The following ZFC3H1 variants were observed in gnomAD, a reference collection of about 807,000 sequenced individuals.
ZFC3H1 encodes zinc finger C3H1 domain-containing protein.
Under a neutral mutation model 243.7 loss-of-function variants are expected in ZFC3H1, and 71 were observed. The ratio of observed to expected loss-of-function variants is 0.29; its 90% CI spans 0.24 to 0.36. ZFC3H1 has a LOEUF of 0.36. ZFC3H1 is among the 10% of genes least tolerant of loss of function. The probability of loss-of-function intolerance (pLI) is 1.00; values close to 1 mark genes in which losing one functional copy is unlikely to be tolerated. For synonymous variants in ZFC3H1, 838 were observed against 813.0 expected (o/e 1.03, Z -0.52); for missense variants, 1,966 against 2,317.1 (o/e 0.85, Z 3.11).
intron 5 of ZFC3H1, among the ~76,000 whole-genome samples, chr12:71,643,185 G>A (rs192282793): frequency 1.1e-4 from 17 of 151,766 alleles, no homozygotes; most frequent in South Asian, 2.1e-4. Context: ...GGCCTGGCGC[G>A]GTGGCTCATG....
chr12:71,634,683 A>G, intron 11 of ZFC3H1, 21 bp downstream of exon 11: 3 of 1,571,748 alleles, frequency 1.9e-6, no homozygotes, highest in Non-Finnish European at 2.6e-6. Flanking sequence ...TTTAATGTTA[A>G]TTACATAAAA....
At chr12:71,649,116 G>T (rs79505150) in intron 2 of ZFC3H1, among the ~76,000 whole-genome samples, 1 of 143,126 alleles carries the variant, frequency 7.0e-6, no homozygotes, top group East Asian at 2.0e-4. Context: ...AAAAAGAAAA[G>T]AAAAGAAAAG....
chr12:71,661,432 T>C (rs1269044588), intron 1 of ZFC3H1, among the ~76,000 whole-genome samples: 1 of 152,074 alleles, frequency 6.6e-6, no homozygotes, highest in Non-Finnish European at 1.5e-5. Context: ...TCTAACCTTC[T>C]TGGAAGAACC....
intron 13 of ZFC3H1, 86 bp downstream of exon 13, chr12:71,633,178 T>G: frequency 7.0e-7 from 1 of 1,433,768 alleles, no homozygotes; most frequent in South Asian, 1.5e-5. Flanking sequence ...TTTGCTGGCT[T>G]TAGTATACAG....
chr12:71,645,128 C>T, intron 3 of ZFC3H1, 53 bp from the exon 4 acceptor site: 2 of 1,459,290 alleles, frequency 1.4e-6, no homozygotes, highest in South Asian at 2.7e-5. Flanking sequence ...ATTTAGCTTA[C>T]ACATTTCATC....
intron 7 of ZFC3H1, 32 bp from the exon 8 acceptor site, chr12:71,637,091 C>T (rs1565817710): frequency 7.7e-6 from 12 of 1,558,788 alleles, no homozygotes; most frequent in Non-Finnish European, 9.6e-6. Flanking sequence ...AATTACAACG[C>T]AAATTTTATC....
chr12:71,652,996 C>T (rs1209227243), intron 2 of ZFC3H1, among the ~76,000 whole-genome samples: 1 of 148,560 alleles, frequency 6.7e-6, no homozygotes, highest in East Asian at 1.9e-4. Context: ...AACAAAATCA[C>T]TAAATGTTCA....
intron 2 of ZFC3H1, chr12:71,656,220 T>C (rs1881014462): frequency 4.7e-6 from 1 of 214,484 alleles, no homozygotes; most frequent in African/African-American, 2.3e-5. Flanking sequence ...TTACCCACTG[T>C]CTACATTTGT....
chr12:71,626,219 C>CAT (rs66482275), intron 22 of ZFC3H1, 41 bp downstream of exon 22: 16 of 1,589,300 alleles, frequency 1.0e-5, no homozygotes, highest in Non-Finnish European at 1.4e-5. Context: ...TACACACACA[C>CAT]ACACACACAC....
chr12:71,615,027 A>G, intron 28 of ZFC3H1, 89 bp from the exon 29 acceptor site: 1 of 1,242,880 alleles, frequency 8.0e-7, no homozygotes, highest in Non-Finnish European at 1.2e-6. Context: ...TACAGATGTT[A>G]TTACAATAGA....
At chr12:71,656,831 T>C (rs770332636) in intron 2 of ZFC3H1, 54 bp downstream of exon 2, 127 of 1,510,740 alleles carry the variant, frequency 8.4e-5, no homozygotes, top group Non-Finnish European at 1.7e-5. Context: ...AACAAGTAGT[T>C]ACTACTTTAG....
intron 1 of ZFC3H1, among the ~76,000 whole-genome samples, chr12:71,658,242 A>G (rs986076846): frequency 1.3e-5 from 2 of 151,970 alleles, no homozygotes; most frequent in Admixed American, 1.3e-4. Flanking sequence ...TAGCAAGAGA[A>G]AAGACAGTAC....
At chr12:71,658,420 C>T (rs1036465309) in intron 1 of ZFC3H1, among the ~76,000 whole-genome samples, 1 of 150,964 alleles carries the variant, frequency 6.6e-6, no homozygotes, top group Admixed American at 6.6e-5. Context: ...TCCTGAGTAG[C>T]TTGGATTACA....
At chr12:71,619,032 C>T (rs1441207968) in intron 27 of ZFC3H1, among the ~76,000 whole-genome samples, 4 of 152,034 alleles carry the variant, frequency 2.6e-5, no homozygotes, top group Admixed American at 6.6e-5. Flanking sequence ...ATATTAAGTA[C>T]TAAAATTAAC....
Position 71,626,393 on chromosome 12 carries a change from TC to T in ZFC3H1, c.4183del (p.Glu1395LysfsTer49). On this transcript the variant is annotated frameshift_variant, in exon 22 of 35. Coordinates refer to ENST00000378743, the MANE Select transcript of ZFC3H1 (RefSeq NM_144982.5). LOFTEE classifies it high-confidence loss of function. ...AATTTCTGGATTGTCTTTGTTATTT[TC>T]CAATGCTCGCGCCAGAACATTTAAA... ...SALNVLARAL[E>X]NNKDNPEIWC... 1 of 1,614,088 alleles carries T rather than the reference TC, an allele frequency of 6.2e-7. No homozygotes were observed. Among genetic ancestry groups the T allele is most frequent in the Non-Finnish European group, 8.5e-7 (1 of 1,179,996 alleles).
intron 21 of ZFC3H1, among the ~76,000 whole-genome samples, chr12:71,626,835 A>G (rs1384808544): frequency 2.0e-5 from 3 of 152,226 alleles, no homozygotes; most frequent in Non-Finnish European, 4.4e-5. Context: ...CAAGTACAAA[A>G]TATCAAAGCT....
At chr12:71,616,288 C>T (rs1399140488) in intron 27 of ZFC3H1, among the ~76,000 whole-genome samples, 1 of 152,082 alleles carries the variant, frequency 6.6e-6, no homozygotes, top group African/African-American at 2.4e-5. Context: ...TAAAGTGAGA[C>T]CCTTTCTTAA....
In ZFC3H1 at chr12:71,663,809, C is replaced by T. The variant is rs1009751743; in HGVS notation, c.-199G>A. On this transcript the variant is annotated 5_prime_UTR_variant, in exon 1 of 35. Coordinates refer to ENST00000378743, the MANE Select transcript of ZFC3H1 (RefSeq NM_144982.5). ...CGCCGGACCGTCGCAACCCAGTTCC[C>T]TTTCCTAGCGCCCCCTTGCTCCTCA... The T allele has an allele frequency of 1.6e-6, 1 of 618,214 alleles. No homozygotes were observed. The highest frequency in any genetic ancestry group is 1.8e-5 in the African/African-American group (1 of 54,336). 38.3% of individuals were successfully genotyped at this position (618,214 alleles called of 1,614,324 possible).
At chr12:71,623,236 A>C (rs1353587821) in intron 24 of ZFC3H1, 124 bp downstream of exon 24, 1 of 821,380 alleles carries the variant, frequency 1.2e-6, no homozygotes, top group East Asian at 2.8e-5. Flanking sequence ...TGAAACTAAA[A>C]CTTGCAATAT....
Sources: gnomAD v4.1 joint callset for allele counts (sites outside exome capture counted in the v4.1 genomes callset) on GRCh38, gnomAD v4.1.1 for gene constraint, MANE v1.5 for transcripts, NCBI Gene and HGNC (gene_info 2026-07-23, HGNC 2026-07-21) for gene names.